Variants in GRID1 observed in about 807,000 individuals in gnomAD.
GRID1 encodes the protein glutamate receptor ionotropic, delta-1.
A neutral mutation model predicts 98.0 loss-of-function variants in GRID1; 28 were observed. That is an observed-to-expected ratio of 0.29 (90% CI 0.21 to 0.39). The LOEUF (loss-of-function observed/expected upper bound fraction) is 0.39. Ranked by LOEUF, GRID1 falls within the 10% of genes least tolerant of loss-of-function variation. The pLI, the probability that GRID1 is intolerant of heterozygous loss-of-function variation, is 1.00. For missense variants in GRID1, 1,111 were observed against 1,340.5 expected, an observed-to-expected ratio of 0.83 and a Z score of 2.67; for synonymous variants, 553 against 538.5, an observed-to-expected ratio of 1.03 and a Z score of -0.37.
chr10:86,250,505 A>G (rs1022046328), intron 2 of GRID1, among the ~76,000 whole-genome samples: 1 of 152,250 alleles, frequency 6.6e-6, no homozygotes, highest in African/African-American at 2.4e-5. Flanking sequence ...TTTGGCTCCC[A>G]GTGGGGCACT....
rs1330047012 is a variant in GRID1 at position 85,724,469 on chromosome 10, A to G, written c.1741T>C (p.Phe581Leu). ...ACAGCCTGTATCCTGTTCAACACAA[A>G]TATCAGCACACCAACCACAGGGATG... is the stretch of plus-strand genomic sequence containing the variant. ...AAIPVVGVLI[F>L]VLNRIQAVRA... The change falls in exon 11 of 16, where the codon TTT becomes CTT. Residue 581 changes from phenylalanine (F) to leucine (L), a missense_variant. Phe to Leu is a conservative substitution (Grantham distance 22). Coordinates refer to ENST00000327946, the MANE Select transcript of GRID1 (RefSeq NM_017551.3). 1 of 1,614,170 alleles carries G rather than the reference A, an allele frequency of 6.2e-7. No homozygotes were observed. Among genetic ancestry groups the G allele is most frequent in the South Asian group, 1.1e-5 (1 of 91,078 alleles).
chr10:86,213,771 C>T (rs1846138156), intron 2 of GRID1, among the ~76,000 whole-genome samples: 1 of 151,658 alleles, frequency 6.6e-6, no homozygotes, highest in South Asian at 2.1e-4. Flanking sequence ...GAGTTCTCCA[C>T]TTAATGAGTC....
chr10:86,230,443 C>A (rs1289827144), intron 2 of GRID1, among the ~76,000 whole-genome samples: 1 of 152,212 alleles, frequency 6.6e-6, no homozygotes, highest in East Asian at 1.9e-4. Flanking sequence ...CTCCCAGAAG[C>A]CACTCAGTGA....
At chr10:86,352,843 G>A (rs920128245) in intron 2 of GRID1, among the ~76,000 whole-genome samples, 1 of 152,152 alleles carries the variant, frequency 6.6e-6, no homozygotes, top group African/African-American at 2.4e-5. Flanking sequence ...GCCACTCCCT[G>A]GGGTGGGCAG....
intron 4 of GRID1, among the ~76,000 whole-genome samples, chr10:85,937,865 T>C (rs1841947379): frequency 6.6e-6 from 1 of 152,206 alleles, no homozygotes; most frequent in African/African-American, 2.4e-5. Context: ...ATTCCAACAC[T>C]GCCGAGGTTG....
chr10:85,746,545 T>G (rs1168562431), intron 8 of GRID1, among the ~76,000 whole-genome samples: 1 of 152,164 alleles, frequency 6.6e-6, no homozygotes, highest in Non-Finnish European at 1.5e-5. Context: ...CTAAATGGCC[T>G]TCAATTTCCA....
chr10:86,279,088 GT>G (rs1194088245), intron 2 of GRID1, among the ~76,000 whole-genome samples: 5 of 152,182 alleles, frequency 3.3e-5, no homozygotes, highest in Admixed American at 1.3e-4. Flanking sequence ...AGGAAATTGG[GT>G]CATGAGGGTG....
At chr10:86,218,067 T>A (rs1846201386) in intron 2 of GRID1, among the ~76,000 whole-genome samples, 1 of 152,194 alleles carries the variant, frequency 6.6e-6, no homozygotes, top group African/African-American at 2.4e-5. Context: ...TCCCTCTTCA[T>A]CTCAACCTAT....
At position 85,855,059 on chromosome 10, in the gene GRID1, AACAT is replaced by A. The variant is rs1442624348; in HGVS notation, c.1114-448_1114-445del. Reference sequence around the variant, plus strand: ...CATGATGGTAAGTTGCAGGGCAGCAAACATGTGCATTGGAGGGCACAGCAAGATC... The same window carrying A: ...CATGATGGTAAGTTGCAGGGCAGCAAGTGCATTGGAGGGCACAGCAAGATC... On this transcript the variant is annotated intron_variant, in intron 7 of 15. Transcript: ENST00000327946. Among the ~76,000 whole-genome samples the A allele has an allele frequency of 3.3e-5, 5 of 152,256 alleles. No individual in the cohort carries two copies. In the South Asian group the frequency reaches 8.3e-4, roughly 25 times the overall value.
At chr10:86,220,472 C>T (rs1459151330) in intron 2 of GRID1, among the ~76,000 whole-genome samples, 5 of 152,128 alleles carry the variant, frequency 3.3e-5, no homozygotes, top group Non-Finnish European at 5.9e-5. Flanking sequence ...GCACTTTGAC[C>T]AGCACCAGTA....
chr10:86,055,089 A>C (rs1843554616), intron 4 of GRID1, among the ~76,000 whole-genome samples: 1 of 152,156 alleles, frequency 6.6e-6, no homozygotes, highest in African/African-American at 2.4e-5. Flanking sequence ...GCCAAAACTT[A>C]AGCTGACCAC....
At chr10:85,906,076 A>G (rs1483872823) in intron 5 of GRID1, among the ~76,000 whole-genome samples, 1 of 152,128 alleles carries the variant, frequency 6.6e-6, no homozygotes, top group Non-Finnish European at 1.5e-5. Context: ...TTATACTAAC[A>G]CAAGTCAAAA....
At chr10:85,656,452 T>C (rs556864426) in intron 12 of GRID1, among the ~76,000 whole-genome samples, 2 of 152,330 alleles carry the variant, frequency 1.3e-5, no homozygotes, top group East Asian at 3.9e-4. Context: ...CATCTATACA[T>C]TGATGACTGT....
At chr10:85,909,884 C>A (rs1175465798) in intron 5 of GRID1, among the ~76,000 whole-genome samples, 1 of 152,118 alleles carries the variant, frequency 6.6e-6, no homozygotes, top group Non-Finnish European at 1.5e-5. Flanking sequence ...AACTTGTACA[C>A]TTAAGTATTG....
At chr10:85,675,596 G>A (rs143324800) in intron 12 of GRID1, among the ~76,000 whole-genome samples, 281 of 152,312 alleles carry the variant, frequency 1.8e-3, no homozygotes, top group African/African-American at 6.5e-3. Flanking sequence ...GTGTTCATGT[G>A]GTGGAAAATG....
intron 12 of GRID1, among the ~76,000 whole-genome samples, chr10:85,720,687 A>G (rs927988078): frequency 6.6e-6 from 1 of 151,862 alleles, no homozygotes; most frequent in African/African-American, 2.4e-5. Flanking sequence ...AAAAAACCCC[A>G]AAACTCTCAA....
At chr10:85,817,150 G>A (rs1842723225) in intron 8 of GRID1, among the ~76,000 whole-genome samples, 1 of 152,154 alleles carries the variant, frequency 6.6e-6, no homozygotes, top group South Asian at 2.1e-4. Flanking sequence ...TTTGAATGGT[G>A]CTGCAACAAA....
intron 4 of GRID1, among the ~76,000 whole-genome samples, chr10:85,934,117 A>C (rs1361465074): frequency 1.3e-5 from 2 of 152,100 alleles, no homozygotes; most frequent in African/African-American, 2.4e-5. Context: ...GGAGGAACAG[A>C]TAGTGCATGC....
intron 4 of GRID1, among the ~76,000 whole-genome samples, chr10:86,115,235 T>A (rs922249849): frequency 6.6e-6 from 1 of 152,200 alleles, no homozygotes; most frequent in African/African-American, 2.4e-5. Context: ...CAGTAAAGGA[T>A]TGCTTTGCAT....
Sources: gnomAD v4.1 joint callset for allele counts (sites outside exome capture counted in the v4.1 genomes callset) on GRCh38, gnomAD v4.1.1 for gene constraint, MANE v1.5 for transcripts, NCBI Gene and HGNC (gene_info 2026-07-23, HGNC 2026-07-21) for gene names.